Variants in RBMS1 observed in about 807,000 individuals in gnomAD.
RBMS1 encodes RNA binding motif single stranded interacting protein 1, also known as RNA-binding motif, single-stranded-interacting protein 1.
In RBMS1, 17 loss-of-function variants were observed where a neutral mutation model predicts 62.3. The ratio of observed to expected loss-of-function variants is 0.27; its 90% confidence interval spans 0.19 to 0.41. The LOEUF is 0.41. Among genes scored for constraint, RBMS1 ranks in the 10% least tolerant of loss-of-function variants. The probability of loss-of-function intolerance (pLI) is 1.00; values close to 1 mark genes in which losing one functional copy is unlikely to be tolerated. For missense variants in RBMS1, 334 were observed against 504.5 expected (o/e 0.66, Z 3.24); for synonymous variants, 172 against 170.0 (o/e 1.01, Z -0.09).
At chr2:160,426,310 GAAGGAAGGAAGGAAGGAAGGAAGGA>G (rs1257136844) in intron 1 of RBMS1, among the ~76,000 whole-genome samples, 11 of 79,436 alleles carry the variant, frequency 1.4e-4, no homozygotes, top group African/African-American at 4.0e-5. Context: ...AGGAAGGAAG[GAAGGAAGGAAGGAAGGAAGGAAGGA>G]AAGGAAGGAA....
At chr2:160,280,551 A>C (rs1297068682) in intron 10 of RBMS1, among the ~76,000 whole-genome samples, 1 of 152,124 alleles carries the variant, frequency 6.6e-6, no homozygotes, top group Non-Finnish European at 1.5e-5. Flanking sequence ...TAAGCAACCA[A>C]ATCTGTTTTT....
chr2:160,328,182 C>T (rs1420192589), intron 2 of RBMS1, among the ~76,000 whole-genome samples: 1 of 152,176 alleles, frequency 6.6e-6, no homozygotes, highest in Non-Finnish European at 1.5e-5. Flanking sequence ...GTCTCCCTCA[C>T]AGCACTGTTA....
intron 1 of RBMS1, among the ~76,000 whole-genome samples, chr2:160,442,094 C>A (rs900832975): frequency 6.6e-6 from 1 of 152,136 alleles, no homozygotes; most frequent in Non-Finnish European, 1.5e-5. Flanking sequence ...CAAGTTGGAA[C>A]CTGTCTATTC....
chr2:160,338,180 C>A (rs1691681323), intron 2 of RBMS1, among the ~76,000 whole-genome samples: 1 of 151,982 alleles, frequency 6.6e-6, no homozygotes, highest in Non-Finnish European at 1.5e-5. Context: ...ATAAAGAATA[C>A]CAGATTTTCA....
intron 1 of RBMS1, among the ~76,000 whole-genome samples, chr2:160,441,591 G>T (rs1484512043): frequency 6.6e-6 from 1 of 152,168 alleles, no homozygotes; most frequent in Non-Finnish European, 1.5e-5. Flanking sequence ...TGGGTATAGT[G>T]GCATGTGCCT....
At chr2:160,326,479 A>C (rs1022401153) in intron 2 of RBMS1, among the ~76,000 whole-genome samples, 1 of 152,242 alleles carries the variant, frequency 6.6e-6, no homozygotes, top group African/African-American at 2.4e-5. Flanking sequence ...AGGACAATAA[A>C]GAATCTAATG....
intron 7 of RBMS1, among the ~76,000 whole-genome samples, chr2:160,286,221 GC>G (rs761692730): frequency 6.7e-5 from 10 of 148,256 alleles, no homozygotes; most frequent in South Asian, 2.1e-4. Flanking sequence ...GACTGCTTGA[GC>G]ACAGGAGTTC....
rs557707871 is a variant in RBMS1, at chr2:160,316,643, T to C, written c.310+1526A>G. ...GTTGCTTTTGGAGCAGAGTGTAAAA[T>C]AGTGTGGTTTTCAGTTCAGGGATGT... is the stretch of plus-strand genomic sequence containing the variant. On this transcript the variant is annotated intron_variant, in intron 3 of 13. Coordinates refer to ENST00000348849, the MANE Select transcript of RBMS1 (RefSeq NM_016836.4). 7.9e-5 allele frequency among the ~76,000 whole-genome samples: 12 copies of C among 152,296 alleles called. No individual in the cohort carries two copies. The East Asian group carries it at 1.7e-3, about 22-fold the overall frequency.
At chr2:160,334,153 T>C (rs934147343) in intron 2 of RBMS1, among the ~76,000 whole-genome samples, 1 of 152,216 alleles carries the variant, frequency 6.6e-6, no homozygotes, top group African/African-American at 2.4e-5. Flanking sequence ...AAGATTTCCA[T>C]TTAGCTGACA....
chr2:160,386,941 T>C (rs1235347597), intron 1 of RBMS1, among the ~76,000 whole-genome samples: 1 of 152,352 alleles, frequency 6.6e-6, no homozygotes, highest in East Asian at 1.9e-4. Context: ...AAACGTGGGC[T>C]TACCTTCCAG....
At chr2:160,471,538 T>A (rs1428022523) in intron 1 of RBMS1, among the ~76,000 whole-genome samples, 2 of 151,152 alleles carry the variant, frequency 1.3e-5, no homozygotes, top group East Asian at 3.9e-4. Flanking sequence ...GAGAGAAGCA[T>A]ATTACAAATA....
intron 2 of RBMS1, among the ~76,000 whole-genome samples, chr2:160,361,593 C>T (rs766444097): frequency 6.6e-6 from 1 of 152,152 alleles, no homozygotes; most frequent in African/African-American, 2.4e-5. Context: ...GTTATGTTTA[C>T]ACTATATTGT....
chr2:160,307,523 C>T (rs891372102), intron 4 of RBMS1, among the ~76,000 whole-genome samples: 3 of 152,088 alleles, frequency 2.0e-5, no homozygotes, highest in Non-Finnish European at 2.9e-5. Context: ...CTTTGTAGCT[C>T]GTTATCTGCG....
intron 3 of RBMS1, among the ~76,000 whole-genome samples, chr2:160,317,278 T>G (rs1445479162): frequency 2.6e-5 from 4 of 152,188 alleles, no homozygotes. Context: ...TTTCAGATTG[T>G]GCTAAGCCAC....
At chr2:160,491,923 G>A (rs1685848886) in intron 1 of RBMS1, among the ~76,000 whole-genome samples, 1 of 152,134 alleles carries the variant, frequency 6.6e-6, no homozygotes, top group Non-Finnish European at 1.5e-5. Flanking sequence ...AAGTAAAGTG[G>A]GAATTGGGGG....
intron 2 of RBMS1, among the ~76,000 whole-genome samples, chr2:160,362,473 T>C (rs1693180579): frequency 6.6e-6 from 1 of 152,162 alleles, no homozygotes; most frequent in Non-Finnish European, 1.5e-5. Context: ...ATTTCAATAT[T>C]ATATCTCAGA....
At chr2:160,290,986 C>G (rs1349911992) in intron 6 of RBMS1, among the ~76,000 whole-genome samples, 1 of 152,206 alleles carries the variant, frequency 6.6e-6, no homozygotes, top group Non-Finnish European at 1.5e-5. Context: ...TGAAACTTAA[C>G]TCTACAGTGA....
intron 1 of RBMS1, among the ~76,000 whole-genome samples, chr2:160,386,662 C>A (rs1694594286): frequency 6.6e-6 from 1 of 152,118 alleles, no homozygotes; most frequent in Admixed American, 6.5e-5. Flanking sequence ...CTCTCTCTGC[C>A]ACATGAAAAT....
rs1053578059 is a variant in RBMS1, at chr2:160,433,174, G to A, written c.75+60115C>T. On this transcript the variant is annotated intron_variant, in intron 1 of 13. Transcript: ENST00000348849. ...CACATCTGTGGTCCCAGCACTTTGG[G>A]AGGCCAAGACAGGTGGATCGCTTGG... Among the ~76,000 whole-genome samples the A allele has an allele frequency of 2.6e-5, 4 of 152,278 alleles. No individual in the cohort carries two copies. In the East Asian group the frequency reaches 7.7e-4, roughly 29 times the overall value.
Sources: gnomAD v4.1 joint callset for allele counts (sites outside exome capture counted in the v4.1 genomes callset) on GRCh38, gnomAD v4.1.1 for gene constraint, MANE v1.5 for transcripts, NCBI Gene and HGNC (gene_info 2026-07-23, HGNC 2026-07-21) for gene names.